Variants in PFDN5 observed in about 807,000 individuals in gnomAD.
PFDN5 encodes c-myc binding protein.
In PFDN5, 13 loss-of-function variants were observed where a neutral mutation model predicts 21.5. The ratio of observed to expected loss-of-function variants is 0.60; its 90% CI spans 0.39 to 0.96. The LOEUF (loss-of-function observed/expected upper bound fraction) is 0.96. Ranked by LOEUF, PFDN5 falls within the 40% of genes least tolerant of loss-of-function variation. The pLI is 0.00. For synonymous variants in PFDN5, 84 were observed against 68.9 expected (o/e 1.22, Z -1.08); for missense variants, 188 against 186.2 (o/e 1.01, Z -0.06).
Position 53,299,271 on chromosome 12 carries a change from G to A in PFDN5, c.391G>A (p.Val131Ile), listed in dbSNP as rs1032296138. The A allele has an allele frequency of 1.1e-5, 17 of 1,609,314 alleles. No individual in the cohort carries two copies. Among genetic ancestry groups the A allele is most frequent in the Admixed American group, 3.3e-5 (2 of 59,920 alleles). ...LQEKHAMKQA[V>I]MEMMSQKIQQ... ...TTGACTCTTATTTTTTTCCACAGCC[G>A]TCATGGAAATGATGAGTCAGAAGAT... The change falls in exon 6 of 6, where the codon GTC (valine) becomes ATC (isoleucine). Residue 131 changes from valine (V) to isoleucine (I), a missense_variant and splice_region_variant. By Grantham distance (29) the Val-to-Ile change is conservative. Transcript: ENST00000334478.
At chr12:53,299,177 C>G in intron 5 of PFDN5, 92 bp from the exon 6 acceptor site, 1 of 743,056 alleles carries the variant, frequency 1.3e-6, no homozygotes. Context: ...TGTAGTTAGT[C>G]GGTCGCCTGT....
At chr12:53,295,985 C>T in intron 2 of PFDN5, 44 bp downstream of exon 2, 1 of 1,164,990 alleles carries the variant, frequency 8.6e-7, no homozygotes, top group Non-Finnish European at 1.3e-6. Flanking sequence ...GGCGAACCTG[C>T]TTCTCTCGTC....
Position 53,298,284 on chromosome 12 carries a change from G to C in PFDN5, c.388+134G>C, listed in dbSNP as rs540174364. 135 of 652,230 alleles carry C rather than the reference G, an allele frequency of 2.1e-4. 1 individual carries two copies. The South Asian group carries it at 2.2e-3, about 11-fold the overall frequency. 40.4% of individuals were successfully genotyped at this position (652,230 alleles called of 1,614,324 possible). ...TTTCTCTTTGGCATCTTTAGAATCT[G>C]TGTATTGCATAATCACTATCTGTAG... On this transcript the variant is annotated intron_variant, in intron 5 of 5. Coordinates refer to ENST00000334478, the MANE Select transcript of PFDN5 (RefSeq NM_002624.4).
chr12:53,297,940 T>C lies in PFDN5; in HGVS notation c.282+16T>C. 6.2e-7 allele frequency: 1 copy of C among 1,602,184 alleles called. No homozygotes were observed. The highest frequency in any genetic ancestry group is 8.6e-7 in the Non-Finnish European group (1 of 1,169,204). Reference sequence around the variant, plus strand: ...TGTAGAGAAGGTGAGTGAGAGCATGTGGATGCCCCTCTAAACAGGGAAGGG... The same window carrying C: ...TGTAGAGAAGGTGAGTGAGAGCATGCGGATGCCCCTCTAAACAGGGAAGGG... On this transcript the variant is annotated intron_variant, in intron 4 of 5. Coordinates refer to ENST00000334478, the MANE Select transcript of PFDN5 (RefSeq NM_002624.4).
In PFDN5 at chr12:53,296,295, G is replaced by A. The variant is rs752608239; in HGVS notation, c.207+20G>A. 3.1e-6 allele frequency: 5 copies of A among 1,594,496 alleles called. No individual in the cohort carries two copies. The highest frequency in any genetic ancestry group is 4.3e-6 in the Non-Finnish European group (5 of 1,166,270). ...AGTTCTGTATCCTTTCCACAGGAACGGCTACCTGCTGCCTTCTCCCTTTCT... is the reference window on the plus strand; with the variant it reads ...AGTTCTGTATCCTTTCCACAGGAACAGCTACCTGCTGCCTTCTCCCTTTCT... On this transcript the variant is annotated intron_variant, in intron 3 of 5. Coordinates refer to ENST00000334478, the MANE Select transcript of PFDN5 (RefSeq NM_002624.4).
rs1032296138 is a variant in PFDN5, at chr12:53,299,271, G to C, written c.391G>C (p.Val131Leu). The C allele has an allele frequency of 2.5e-6, 4 of 1,609,314 alleles. No individual in the cohort carries two copies. Among genetic ancestry groups the C allele is most frequent in the Non-Finnish European group, 1.7e-6 (2 of 1,176,594 alleles). Reference sequence around the variant, plus strand: ...TTGACTCTTATTTTTTTCCACAGCCGTCATGGAAATGATGAGTCAGAAGAT... The same window carrying C: ...TTGACTCTTATTTTTTTCCACAGCCCTCATGGAAATGATGAGTCAGAAGAT... Reference protein sequence around the residue: ...LQEKHAMKQAVMEMMSQKIQQ... With the variant: ...LQEKHAMKQALMEMMSQKIQQ... The change falls in exon 6 of 6, where the codon GTC (valine) becomes CTC (leucine). Residue 131 changes from valine (V) to leucine (L), a missense_variant and splice_region_variant. Transcript: ENST00000334478.
intron 1 of PFDN5, 75 bp downstream of exon 1, chr12:53,295,714 T>TCC: frequency 7.0e-7 from 1 of 1,425,114 alleles, no homozygotes. Flanking sequence ...CGCGCCCGGT[T>TCC]CCAAGTTGGC....
In PFDN5 at chr12:53,295,549, T is replaced by G. The variant is rs202152204; in HGVS notation, c.-19T>G. On this transcript the variant is annotated 5_prime_UTR_variant, in exon 1 of 6. Transcript: ENST00000334478. ...TGCTCGCCGAGAGACTTCCTCTTCG[T>G]TAAGTCGGCCTTCCCAACATGGCGC... is the stretch of plus-strand genomic sequence containing the variant. The G allele has an allele frequency of 1.8e-4, 288 of 1,606,878 alleles. No individual in the cohort carries two copies. Among genetic ancestry groups the G allele is most frequent in the Non-Finnish European group, 2.3e-4 (272 of 1,174,462 alleles).
chr12:53,298,017 A>G (rs780444924), intron 4 of PFDN5, 28 bp from the exon 5 acceptor site: 6 of 1,569,562 alleles, frequency 3.8e-6, no homozygotes. Flanking sequence ...GTCTCCTTTT[A>G]GCCCCTTATT....
At chr12:53,297,671 C>A in intron 3 of PFDN5, 179 bp from the exon 4 acceptor site, 1 of 593,668 alleles carries the variant, frequency 1.7e-6, no homozygotes, top group South Asian at 2.0e-5. Flanking sequence ...AAAGAACCAA[C>A]TTCTCTGTCT....
In PFDN5 at chr12:53,296,245, G is replaced by A. The variant is rs780630918; in HGVS notation, c.177G>A (p.Gly59=). 6.2e-6 allele frequency: 10 copies of A among 1,609,704 alleles called. No homozygotes were observed. Among genetic ancestry groups the A allele is most frequent in the African/African-American group, 2.7e-5 (2 of 74,918 alleles). ...TGTTTGTCTTCATTGCTTTCACAGG[G>A]AAAGAATTACTCGTCCCACTGACGA... The part of the protein sequence containing the change: ...CLNVLNKSNE[G]KELLVPLTSS... Residue 59 remains glycine, a splice_region_variant and synonymous_variant, in exon 3 of 6, where the codon GGG becomes GGA. Coordinates refer to ENST00000334478, the MANE Select transcript of PFDN5 (RefSeq NM_002624.4).
chr12:53,297,794 C>T lies in PFDN5; in HGVS notation c.208-56C>T, dbSNP rs879033664. 74 of 1,336,678 alleles carry T rather than the reference C, an allele frequency of 5.5e-5. No individual in the cohort carries two copies. The Middle Eastern group carries it at 1.8e-3, about 32-fold the overall frequency. The allele number at this position is 1,336,678 out of a possible 1,614,324, so 82.8% of individuals were successfully genotyped here. On this transcript the variant is annotated intron_variant, in intron 3 of 5. Coordinates refer to ENST00000334478, the MANE Select transcript of PFDN5 (RefSeq NM_002624.4). Reference sequence around the variant, plus strand: ...TTTGGAGGCCAAGCAGGCTGGCTGGCGGAATCATGGCTCATGCTGGGCTGG... The same window carrying T: ...TTTGGAGGCCAAGCAGGCTGGCTGGTGGAATCATGGCTCATGCTGGGCTGG...
intron 5 of PFDN5, chr12:53,298,423 A>T: frequency 2.9e-6 from 1 of 347,900 alleles, no homozygotes; most frequent in East Asian, 5.1e-5. Context: ...CACAGGAAGG[A>T]ATCATGATCC....
intron 3 of PFDN5, chr12:53,297,503 T>G: frequency 4.6e-6 from 1 of 218,016 alleles, no homozygotes; most frequent in Non-Finnish European, 9.3e-6. Context: ...TTAAGGGAAA[T>G]GAGGCTGGCT....
intron 3 of PFDN5, 170 bp downstream of exon 3, chr12:53,296,445 G>C (rs1431163638): frequency 1.4e-6 from 1 of 696,682 alleles, no homozygotes; most frequent in African/African-American, 1.8e-5. Context: ...ATTTCGCTCT[G>C]TCGCCCAGGC....
intron 4 of PFDN5, 47 bp downstream of exon 4, chr12:53,297,971 C>G: frequency 6.3e-7 from 1 of 1,575,012 alleles, no homozygotes; most frequent in Non-Finnish European, 8.7e-7. Context: ...AAGGGAAATT[C>G]AGGGGAAGCT....
In PFDN5 at chr12:53,296,433, G is replaced by C. The variant is rs113187830; in HGVS notation, c.207+158G>C. ...TTTTTTTTCTTTCTTTTTTGAGACG[G>C]AATTTCGCTCTGTCGCCCAGGCTGG... On this transcript the variant is annotated intron_variant, in intron 3 of 5. Coordinates refer to ENST00000334478, the MANE Select transcript of PFDN5 (RefSeq NM_002624.4). 2.4e-4 allele frequency: 174 copies of C among 714,004 alleles called. 1 individual carries two copies. The African/African-American group carries it at 2.5e-3, about 10-fold the overall frequency. The allele number at this position is 714,004 out of a possible 1,614,324, so 44.2% of individuals were successfully genotyped here. A position where few individuals can be genotyped will look rare whatever the true frequency, so the allele number is the denominator to read the frequency against.
Position 53,296,429 on chromosome 12 carries a change from G to A in PFDN5, c.207+154G>A, listed in dbSNP as rs748649378. ...CTTTTTTTTTTTCTTTCTTTTTTGAGACGGAATTTCGCTCTGTCGCCCAGG... is the reference window on the plus strand; with the variant it reads ...CTTTTTTTTTTTCTTTCTTTTTTGAAACGGAATTTCGCTCTGTCGCCCAGG... On this transcript the variant is annotated intron_variant, in intron 3 of 5. Coordinates refer to ENST00000334478, the MANE Select transcript of PFDN5 (RefSeq NM_002624.4). 25 of 723,780 alleles carry A rather than the reference G, an allele frequency of 3.5e-5. 1 individual carries two copies. The South Asian group carries it at 3.7e-4, about 11-fold the overall frequency. The allele number at this position is 723,780 out of a possible 1,614,324, so 44.8% of individuals were successfully genotyped here. A position where few individuals can be genotyped will look rare whatever the true frequency, so the allele number is the denominator to read the frequency against.
chr12:53,299,422 A>G lies in PFDN5; in HGVS notation c.*77A>G. Reference sequence around the variant, plus strand: ...GTGATGGGAAGGGTCTTGTGTTTTAATGCCAATAAATGTGCCAGCTGGGCA... The same window carrying G: ...GTGATGGGAAGGGTCTTGTGTTTTAGTGCCAATAAATGTGCCAGCTGGGCA... On this transcript the variant is annotated 3_prime_UTR_variant, in exon 6 of 6. Transcript: ENST00000334478. 1.1e-6 allele frequency: 1 copy of G among 900,074 alleles called. No homozygotes were observed. 55.8% of individuals were successfully genotyped at this position (900,074 alleles called of 1,614,324 possible).
Sources: gnomAD v4.1 joint callset for allele counts on GRCh38, gnomAD v4.1.1 for gene constraint, MANE v1.5 for transcripts, NCBI Gene and HGNC (gene_info 2026-07-23, HGNC 2026-07-21) for gene names.